HS6ST1: variants seen among roughly 807,000 people sequenced by gnomAD.
HS6ST1 encodes the protein heparan-sulfate 6-O-sulfotransferase 1.
HS6ST1 carries 3 observed loss-of-function variants against 25.2 expected under a neutral mutation model. The ratio of observed to expected loss-of-function variants is 0.12; its 90% CI spans 0.05 to 0.31. HS6ST1 has a LOEUF of 0.31. Among genes scored for constraint, HS6ST1 ranks in the 10% least tolerant of loss-of-function variants. HS6ST1 has a pLI of 1.00. For missense variants in HS6ST1, 310 were observed against 609.6 expected, an observed-to-expected ratio of 0.51 and a Z score of 5.18; for synonymous variants, 204 against 275.1, an observed-to-expected ratio of 0.74 and a Z score of 2.56.
chr2:128,298,622 AG>A (rs1694076087), intron 1 of HS6ST1, among the ~76,000 whole-genome samples: 1 of 152,206 alleles, frequency 6.6e-6, no homozygotes, highest in Non-Finnish European at 1.5e-5. Context: ...ATTCATAGTC[AG>A]GAAGTAGGAT....
chr2:128,280,623 C>T (rs978466162), intron 1 of HS6ST1, among the ~76,000 whole-genome samples: 20 of 152,308 alleles, frequency 1.3e-4, no homozygotes, highest in African/African-American at 4.8e-4. Flanking sequence ...GGGAGCCCCT[C>T]TACAAATGCA....
At chr2:128,272,437 G>A (rs1693622479) in intron 1 of HS6ST1, among the ~76,000 whole-genome samples, 1 of 152,270 alleles carries the variant, frequency 6.6e-6, no homozygotes, top group Non-Finnish European at 1.5e-5. Context: ...AGTATGCACA[G>A]TGGGCCGGCT....
rs186214513 is a variant in HS6ST1 at position 128,266,844 on chromosome 2, C to T, written c.*1318G>A. On this transcript the variant is annotated 3_prime_UTR_variant, in exon 2 of 2. Transcript: ENST00000259241. Reference sequence around the variant, plus strand: ...CAGGGCACAGGGCACGTGCTTACAACGGATATGCAACATGGCTTTTGGTAG... The same window carrying T: ...CAGGGCACAGGGCACGTGCTTACAATGGATATGCAACATGGCTTTTGGTAG... 3.0e-3 allele frequency: 456 copies of T among 152,330 alleles called. 1 individual carries two copies. The highest frequency in any genetic ancestry group is 4.9e-3 in the Non-Finnish European group (332 of 68,094). 9.4% of individuals were successfully genotyped at this position (152,330 alleles called of 1,614,324 possible).
At chr2:128,312,317 G>T (rs1694303893) in intron 1 of HS6ST1, among the ~76,000 whole-genome samples, 1 of 152,208 alleles carries the variant, frequency 6.6e-6, no homozygotes, top group African/African-American at 2.4e-5. Context: ...CACCTTCTCT[G>T]GGGCCTGACT....
At chr2:128,286,326 C>A (rs908245463) in intron 1 of HS6ST1, among the ~76,000 whole-genome samples, 1 of 152,222 alleles carries the variant, frequency 6.6e-6, no homozygotes, top group African/African-American at 2.4e-5. Flanking sequence ...CAGCATCCTG[C>A]AGGGCCAGGA....
chr2:128,270,417 C>T (rs1354165831), intron 1 of HS6ST1, among the ~76,000 whole-genome samples: 3 of 152,252 alleles, frequency 2.0e-5, no homozygotes, highest in Admixed American at 6.5e-5. Context: ...CCTCCCCAAG[C>T]ACCCTGCACC....
chr2:128,311,455 A>T (rs998417106), intron 1 of HS6ST1, among the ~76,000 whole-genome samples: 7 of 152,182 alleles, frequency 4.6e-5, no homozygotes, highest in African/African-American at 1.7e-4. Flanking sequence ...GCTACCACTC[A>T]GTAACTGCTC....
chr2:128,316,289 A>G (rs1364335675), intron 1 of HS6ST1, among the ~76,000 whole-genome samples: 1 of 152,220 alleles, frequency 6.6e-6, no homozygotes, highest in African/African-American at 2.4e-5. Flanking sequence ...CTTGTTTCAA[A>G]AGCTCCGGCT....
chr2:128,306,172 C>G (rs2104933884), intron 1 of HS6ST1, among the ~76,000 whole-genome samples: 1 of 152,330 alleles, frequency 6.6e-6, no homozygotes, highest in Non-Finnish European at 1.5e-5. Context: ...CAGACTGCAC[C>G]CTCGGGACAG....
intron 1 of HS6ST1, among the ~76,000 whole-genome samples, chr2:128,293,449 C>A (rs1284058049): frequency 2.6e-5 from 4 of 152,244 alleles, no homozygotes; most frequent in African/African-American, 4.8e-5. Flanking sequence ...GGGCACTTTC[C>A]TTGCAAACAC....
At chr2:128,307,010 A>T (rs2104934497) in intron 1 of HS6ST1, among the ~76,000 whole-genome samples, 1 of 151,998 alleles carries the variant, frequency 6.6e-6, no homozygotes, top group Admixed American at 6.5e-5. Context: ...ACGCCCACCC[A>T]GATTTTCACT....
chr2:128,277,100 T>A (rs1476755497), intron 1 of HS6ST1, among the ~76,000 whole-genome samples: 2 of 152,130 alleles, frequency 1.3e-5, no homozygotes, highest in Admixed American at 1.3e-4. Flanking sequence ...TGGTGGTTGG[T>A]TCACCGTCCA....
intron 1 of HS6ST1, among the ~76,000 whole-genome samples, chr2:128,313,283 A>C (rs972131019): frequency 6.6e-6 from 1 of 152,316 alleles, no homozygotes; most frequent in East Asian, 1.9e-4. Flanking sequence ...ACACACAAGG[A>C]GCAGTCCTGC....
At chr2:128,279,333 T>C (rs1693744105) in intron 1 of HS6ST1, among the ~76,000 whole-genome samples, 1 of 119,098 alleles carries the variant, frequency 8.4e-6, no homozygotes, top group Non-Finnish European at 2.1e-5. Flanking sequence ...ACAGAACCTT[T>C]TTTTTTTTTT....
intron 1 of HS6ST1, among the ~76,000 whole-genome samples, chr2:128,296,332 T>C (rs1214787057): frequency 6.6e-6 from 1 of 152,220 alleles, no homozygotes; most frequent in Non-Finnish European, 1.5e-5. Context: ...GCCACAGCTA[T>C]TCATCAGAGT....
At chr2:128,299,996 CTCAGATTG>C in intron 1 of HS6ST1, among the ~76,000 whole-genome samples, 1 of 152,282 alleles carries the variant, frequency 6.6e-6, no homozygotes, top group African/African-American at 2.4e-5. Context: ...CCCATCAGCA[CTCAGATTG>C]TCTTGTGAAG....
intron 1 of HS6ST1, among the ~76,000 whole-genome samples, chr2:128,293,864 G>A (rs1165935822): frequency 6.6e-6 from 1 of 152,212 alleles, no homozygotes; most frequent in Non-Finnish European, 1.5e-5. Flanking sequence ...AGTTAGTCCT[G>A]TGGTCAGCCT....
intron 1 of HS6ST1, among the ~76,000 whole-genome samples, chr2:128,313,046 C>T (rs1249707246): frequency 6.6e-6 from 1 of 151,832 alleles, no homozygotes; most frequent in Non-Finnish European, 1.5e-5. Flanking sequence ...CTGCACCGGA[C>T]AGAGTGAGAC....
chr2:128,314,562 C>T (rs1694333845), intron 1 of HS6ST1, among the ~76,000 whole-genome samples: 1 of 152,194 alleles, frequency 6.6e-6, no homozygotes, highest in Non-Finnish European at 1.5e-5. Flanking sequence ...AGAGCAGGCA[C>T]ACCAGGTGGA....
Sources: gnomAD v4.1 joint callset for allele counts (sites outside exome capture counted in the v4.1 genomes callset) on GRCh38, gnomAD v4.1.1 for gene constraint, MANE v1.5 for transcripts, NCBI Gene and HGNC (gene_info 2026-07-23, HGNC 2026-07-21) for gene names.